The following DOK6 variants were observed in gnomAD, a reference collection of about 807,000 sequenced individuals.
DOK6 encodes downstream of tyrosine kinase 6.
Under a neutral mutation model 44.0 loss-of-function variants are expected in DOK6, and 22 were observed. The observed-to-expected ratio is 0.50, with a 90% CI of 0.36 to 0.71. DOK6 has a LOEUF of 0.71. Ranked by LOEUF, DOK6 falls within the 30% of genes least tolerant of loss-of-function variation. The pLI is 0.00. For missense variants in DOK6, 340 were observed against 416.4 expected, an observed-to-expected ratio of 0.82 and a Z score of 1.60; for synonymous variants, 166 against 145.5, an observed-to-expected ratio of 1.14 and a Z score of -1.01.
chr18:69,845,706 A>G lies in DOK6; in HGVS notation c.*4323A>G, dbSNP rs1982331563. The G allele has an allele frequency of 6.6e-6, 1 of 152,222 alleles. No homozygotes were observed. Among genetic ancestry groups the G allele is most frequent in the African/African-American group, 2.4e-5 (1 of 41,468 alleles). 9.4% of individuals were successfully genotyped at this position (152,222 alleles called of 1,614,324 possible). On this transcript the variant is annotated 3_prime_UTR_variant, in exon 8 of 8. Transcript: ENST00000382713. ...AACATTCTAACCCAAGGCCAGTGTC[A>G]TGGGCTTGGCTTTCTTCCCTGTCGC...
chr18:69,509,040 T>C (rs1981273880), intron 1 of DOK6, among the ~76,000 whole-genome samples: 4 of 152,228 alleles, frequency 2.6e-5, no homozygotes, highest in Admixed American at 2.0e-4. Context: ...TTTGTGTAGC[T>C]AATATTACAT....
rs148500883 is a variant in DOK6 at position 69,440,505 on chromosome 18, G to A, written c.66+39195G>A. Among the ~76,000 whole-genome samples the A allele has an allele frequency of 7.1e-3, 1,087 of 152,198 alleles. 13 individuals are homozygous for A. The highest frequency in any genetic ancestry group is 0.023 in the African/African-American group (958 of 41,540). Reference sequence around the variant, plus strand: ...TGTAGTTGTTTTCAAGAAGGCATTCGGAGTAGCCATGAGTCTGTTCTCTGT... The same window carrying A: ...TGTAGTTGTTTTCAAGAAGGCATTCAGAGTAGCCATGAGTCTGTTCTCTGT... On this transcript the variant is annotated intron_variant, in intron 1 of 7. Coordinates refer to ENST00000382713, the MANE Select transcript of DOK6 (RefSeq NM_152721.6).
chr18:69,519,391 A>G (rs1281568535), intron 1 of DOK6, among the ~76,000 whole-genome samples: 2 of 151,930 alleles, frequency 1.3e-5, no homozygotes, highest in African/African-American at 4.8e-5. Flanking sequence ...GCAGAAGACA[A>G]TAAGTCAGAT....
Position 69,542,180 on chromosome 18 carries a change from T to A in DOK6, c.67-22307T>A, listed in dbSNP as rs572407451. 6.7e-4 allele frequency among the ~76,000 whole-genome samples: 102 copies of A among 151,504 alleles called. 1 individual carries two copies. Among genetic ancestry groups the A allele is most frequent in the African/African-American group, 2.3e-3 (96 of 41,462 alleles). On this transcript the variant is annotated intron_variant, in intron 1 of 7. Coordinates refer to ENST00000382713, the MANE Select transcript of DOK6 (RefSeq NM_152721.6). ...ATTTTTATTGTGGTTTATAGAACAG[T>A]TTGGAGAAGAAGAGAAGGATTAAAT...
At chr18:69,754,472 T>G (rs1979291108) in intron 6 of DOK6, among the ~76,000 whole-genome samples, 2 of 73,482 alleles carry the variant, frequency 2.7e-5, no homozygotes, top group East Asian at 1.3e-3. Flanking sequence ...TAAGAATTGC[T>G]GGTTAAATCA....
At chr18:69,822,868 T>A (rs1160482880) in intron 7 of DOK6, among the ~76,000 whole-genome samples, 1 of 152,200 alleles carries the variant, frequency 6.6e-6, no homozygotes, top group Admixed American at 6.5e-5. Context: ...AAAGTTTTTT[T>A]AAAAAAGAAA....
chr18:69,548,561 A>G (rs1007088371), intron 1 of DOK6, among the ~76,000 whole-genome samples: 1 of 151,566 alleles, frequency 6.6e-6, no homozygotes. Flanking sequence ...CTGTTTGGCT[A>G]AGCATATAAA....
At chr18:69,823,126 T>C (rs1901660262) in intron 7 of DOK6, among the ~76,000 whole-genome samples, 1 of 152,196 alleles carries the variant, frequency 6.6e-6, no homozygotes, top group African/African-American at 2.4e-5. Flanking sequence ...GCTGCATCCA[T>C]TTTTCATAAT....
intron 1 of DOK6, among the ~76,000 whole-genome samples, chr18:69,436,793 A>G (rs564733282): frequency 5.3e-5 from 8 of 152,278 alleles, no homozygotes; most frequent in African/African-American, 1.4e-4. Context: ...GAAAGCGTTC[A>G]TATTTCTCCA....
At chr18:69,741,303 G>T (rs1038534159) in intron 6 of DOK6, among the ~76,000 whole-genome samples, 7 of 152,202 alleles carry the variant, frequency 4.6e-5, no homozygotes, top group Admixed American at 1.3e-4. Flanking sequence ...GCTTTTCTCT[G>T]CAGGTTAATG....
chr18:69,793,948 G>A (rs1434425033), intron 7 of DOK6, among the ~76,000 whole-genome samples: 1 of 152,062 alleles, frequency 6.6e-6, no homozygotes, highest in Non-Finnish European at 1.5e-5. Flanking sequence ...TTGTTGAGAT[G>A]CTGTGATATA....
chr18:69,456,499 T>G (rs542773672), intron 1 of DOK6, among the ~76,000 whole-genome samples: 1 of 152,314 alleles, frequency 6.6e-6, no homozygotes, highest in South Asian at 2.1e-4. Context: ...TTTATGGCTA[T>G]GCAGTATTCC....
chr18:69,815,225 C>A (rs951111058), intron 7 of DOK6, among the ~76,000 whole-genome samples: 7 of 152,092 alleles, frequency 4.6e-5, no homozygotes, highest in African/African-American at 7.2e-5. Flanking sequence ...AGATAAGATT[C>A]CCCTAAGGGA....
Position 69,848,309 on chromosome 18 carries a change from C to G in DOK6, c.*6926C>G, listed in dbSNP as rs1189335458. 6.6e-6 allele frequency: 1 copy of G among 152,024 alleles called. No individual in the cohort carries two copies. The highest frequency in any genetic ancestry group is 1.5e-5 in the Non-Finnish European group (1 of 67,994). The allele number at this position is 152,024 out of a possible 1,614,324, so 9.4% of individuals were successfully genotyped here. A position where few individuals can be genotyped will look rare whatever the true frequency, so the allele number is the denominator to read the frequency against. ...GTTGGTTCAATATAATGTTTATGAT[C>G]ATTTTGATAAGAAATAACTTTGGAC... On this transcript the variant is annotated 3_prime_UTR_variant, in exon 8 of 8. Coordinates refer to ENST00000382713, the MANE Select transcript of DOK6 (RefSeq NM_152721.6).
At chr18:69,518,863 T>G (rs1981609102) in intron 1 of DOK6, among the ~76,000 whole-genome samples, 1 of 152,134 alleles carries the variant, frequency 6.6e-6, no homozygotes. Flanking sequence ...CTGGATATAA[T>G]GGAATATATG....
intron 7 of DOK6, among the ~76,000 whole-genome samples, chr18:69,827,420 G>A (rs775285623): frequency 5.9e-5 from 9 of 152,050 alleles, no homozygotes; most frequent in Non-Finnish European, 7.4e-5. Context: ...TGTTCCTGAT[G>A]ATCAGAATGC....
At chr18:69,823,188 G>A (rs949830032) in intron 7 of DOK6, among the ~76,000 whole-genome samples, 25 of 152,048 alleles carry the variant, frequency 1.6e-4, no homozygotes, top group African/African-American at 6.0e-4. Context: ...CATTTCACAA[G>A]GCTCCAAAGA....
rs1473289214 is a variant in DOK6, at chr18:69,524,433, T to C, written c.67-40054T>C. On this transcript the variant is annotated intron_variant, in intron 1 of 7. Transcript: ENST00000382713. Reference sequence around the variant, plus strand: ...TGAGCCTCTGTGTGAAATTAGAGTGTCACTTTCATTGTACTTATACTCCCT... The same window carrying C: ...TGAGCCTCTGTGTGAAATTAGAGTGCCACTTTCATTGTACTTATACTCCCT... 5.9e-5 allele frequency among the ~76,000 whole-genome samples: 9 copies of C among 152,010 alleles called. No homozygotes were observed. The East Asian group carries it at 1.7e-3, about 29-fold the overall frequency.
intron 3 of DOK6, among the ~76,000 whole-genome samples, chr18:69,655,280 A>G (rs1483246445): frequency 1.3e-5 from 2 of 152,130 alleles, no homozygotes; most frequent in African/African-American, 4.8e-5. Context: ...AAATAAATAT[A>G]AGAAAAAATA....
Sources: gnomAD v4.1 joint callset for allele counts (sites outside exome capture counted in the v4.1 genomes callset) on GRCh38, gnomAD v4.1.1 for gene constraint, MANE v1.5 for transcripts, NCBI Gene and HGNC (gene_info 2026-07-23, HGNC 2026-07-21) for gene names.